The following SLC1A2 variants were observed in gnomAD, a reference collection of about 807,000 sequenced individuals.
SLC1A2 encodes solute carrier family 1 member 2.
In SLC1A2, 15 loss-of-function variants were observed where a neutral mutation model predicts 48.8. The observed-to-expected ratio is 0.31, with a 90% CI of 0.21 to 0.47. The LOEUF (loss-of-function observed/expected upper bound fraction) is 0.47. SLC1A2 is among the 20% of genes least tolerant of loss of function. The pLI, the probability that SLC1A2 is intolerant of heterozygous loss-of-function variation, is 0.99. For missense variants in SLC1A2, 502 were observed against 730.5 expected (o/e 0.69, Z 3.61); for synonymous variants, 279 against 272.6 (o/e 1.02, Z -0.23).
intron 1 of SLC1A2, among the ~76,000 whole-genome samples, chr11:35,402,301 T>C (rs1204546888): frequency 6.6e-6 from 1 of 152,046 alleles, no homozygotes; most frequent in Non-Finnish European, 1.5e-5. Flanking sequence ...ATTGTGTTAA[T>C]CACCAATGGT....
Position 35,375,714 on chromosome 11 carries a change from T to C in SLC1A2, c.17+43236A>G, listed in dbSNP as rs563220503. The stretch of plus-strand genomic sequence containing the variant: ...GTACTTGCAGACCCGGGCAGTGGCA[T>C]CAGCAGGTCACTGGGCCTGGACTGG... On this transcript the variant is annotated intron_variant, in intron 1 of 10. Coordinates refer to ENST00000278379, the MANE Select transcript of SLC1A2 (RefSeq NM_004171.4). Among the ~76,000 whole-genome samples, 9 of 152,276 alleles carry C rather than the reference T, an allele frequency of 5.9e-5. No individual in the cohort carries two copies. The East Asian group carries it at 1.7e-3, about 29-fold the overall frequency.
chr11:35,416,662 A>T (rs1855610998), intron 1 of SLC1A2, among the ~76,000 whole-genome samples: 1 of 152,246 alleles, frequency 6.6e-6, no homozygotes, highest in Admixed American at 6.5e-5. Flanking sequence ...AAATATATAA[A>T]TTGAAAGCAT....
intron 7 of SLC1A2, among the ~76,000 whole-genome samples, chr11:35,289,887 T>C (rs1850942335): frequency 6.6e-6 from 1 of 152,148 alleles, no homozygotes; most frequent in African/African-American, 2.4e-5. Flanking sequence ...AATATTCTTA[T>C]ACAAAAAGAG....
chr11:35,351,778 G>A (rs1853263846), intron 1 of SLC1A2, among the ~76,000 whole-genome samples: 1 of 152,106 alleles, frequency 6.6e-6, no homozygotes, highest in Admixed American at 6.5e-5. Flanking sequence ...TGGGACTACA[G>A]GTGCATGCCA....
intron 1 of SLC1A2, among the ~76,000 whole-genome samples, chr11:35,415,639 T>C (rs1415725482): frequency 1.3e-5 from 2 of 152,244 alleles, no homozygotes; most frequent in Non-Finnish European, 2.9e-5. Flanking sequence ...TGCTTTTATT[T>C]GCTTGAAATA....
At chr11:35,310,905 G>A (rs536070316) in intron 4 of SLC1A2, among the ~76,000 whole-genome samples, 1 of 152,098 alleles carries the variant, frequency 6.6e-6, no homozygotes, top group Non-Finnish European at 1.5e-5. Context: ...TAAGGAATCT[G>A]TACCCACTGC....
intron 1 of SLC1A2, among the ~76,000 whole-genome samples, chr11:35,350,728 TA>T (rs1477783704): frequency 1.3e-5 from 2 of 152,194 alleles, no homozygotes; most frequent in African/African-American, 2.4e-5. Flanking sequence ...TTTAAATACT[TA>T]TAGCTGCAGC....
At chr11:35,380,114 T>G (rs1039309940) in intron 1 of SLC1A2, among the ~76,000 whole-genome samples, 3 of 152,210 alleles carry the variant, frequency 2.0e-5, no homozygotes, top group Non-Finnish European at 4.4e-5. Context: ...ATTTAATCCC[T>G]CAGCCTGCTT....
At chr11:35,407,375 T>A (rs1349794908) in intron 1 of SLC1A2, among the ~76,000 whole-genome samples, 2 of 152,188 alleles carry the variant, frequency 1.3e-5, no homozygotes, top group African/African-American at 4.8e-5. Flanking sequence ...CTTTCCTTCA[T>A]CAGTATCTTC....
chr11:35,395,988 C>A (rs1176079755), intron 1 of SLC1A2, among the ~76,000 whole-genome samples: 2 of 148,974 alleles, frequency 1.3e-5, no homozygotes, highest in Non-Finnish European at 3.0e-5. Flanking sequence ...CATCCATGTC[C>A]CTACAAAGGA....
chr11:35,293,251 A>T (rs1367208938), intron 6 of SLC1A2, among the ~76,000 whole-genome samples: 2 of 152,226 alleles, frequency 1.3e-5, no homozygotes, highest in African/African-American at 4.8e-5. Flanking sequence ...AAAGCTAAAT[A>T]ATCAGCCCAA....
intron 1 of SLC1A2, chr11:35,380,314 G>T: frequency 2.5e-6 from 1 of 398,562 alleles, no homozygotes; most frequent in Non-Finnish European, 4.4e-6. Flanking sequence ...CATGGAAAAG[G>T]CCTTGGCTTT....
chr11:35,380,259 A>G (rs1480701603), intron 1 of SLC1A2: 2 of 397,722 alleles, frequency 5.0e-6, no homozygotes, highest in African/African-American at 4.1e-5. Flanking sequence ...CCTTGACATA[A>G]GAACACCCTG....
intron 1 of SLC1A2, chr11:35,391,341 A>G (rs990014974): frequency 3.3e-5 from 5 of 152,228 alleles, no homozygotes; most frequent in African/African-American, 1.2e-4. Context: ...ATAATCTGCC[A>G]GTCACAATTC....
chr11:35,266,172 T>G (rs1479459028), intron 9 of SLC1A2, among the ~76,000 whole-genome samples: 2 of 152,206 alleles, frequency 1.3e-5, no homozygotes, highest in African/African-American at 4.8e-5. Flanking sequence ...ACTGTTGTGT[T>G]TTTGAAGACT....
intron 10 of SLC1A2, chr11:35,263,958 C>T (rs557071266): frequency 2.0e-5 from 3 of 152,080 alleles, no homozygotes; most frequent in African/African-American, 7.2e-5. Flanking sequence ...GATTATTGAC[C>T]CTTGTTGATT....
At chr11:35,387,770 C>G (rs184667934) in intron 1 of SLC1A2, among the ~76,000 whole-genome samples, 7 of 151,974 alleles carry the variant, frequency 4.6e-5, no homozygotes, top group African/African-American at 1.2e-4. Flanking sequence ...AACCAAAATG[C>G]CTTTCTCAGC....
intron 1 of SLC1A2, among the ~76,000 whole-genome samples, chr11:35,342,887 C>T (rs373701893): frequency 9.9e-5 from 15 of 152,228 alleles, no homozygotes; most frequent in African/African-American, 1.4e-4. Flanking sequence ...CAGTAGCAGA[C>T]GCAATTATAT....
chr11:35,403,806 C>T (rs116039810), intron 1 of SLC1A2, among the ~76,000 whole-genome samples: 1,665 of 81,808 alleles, frequency 0.02, 32 homozygotes, highest in African/African-American at 0.06. Flanking sequence ...ACATGAGAAA[C>T]TCAAGGATTA....
Sources: allele counts gnomAD v4.1 joint callset (sites outside exome capture counted in the v4.1 genomes callset), GRCh38; gene constraint gnomAD v4.1.1; transcripts MANE v1.5; gene names NCBI Gene and HGNC (gene_info 2026-07-23, HGNC 2026-07-21).